Variants in RALYL observed in about 807,000 individuals in gnomAD.
RALYL encodes the protein RALY RNA binding protein like, also known as RNA-binding Raly-like protein.
In RALYL, 29 loss-of-function variants were observed where a neutral mutation model predicts 35.1. That is an observed-to-expected ratio of 0.83 (90% CI 0.61 to 1.13). The LOEUF (loss-of-function observed/expected upper bound fraction) is 1.13, where lower values mean the gene tolerates loss of function less well. Among genes scored for constraint, RALYL ranks in the 50% most tolerant of loss-of-function variants. The probability of loss-of-function intolerance (pLI) is 0.00; values close to 1 mark genes in which losing one functional copy is unlikely to be tolerated. For missense variants in RALYL, 359 were observed against 360.4 expected, an observed-to-expected ratio of 1.00 and a Z score of 0.03; for synonymous variants, 120 against 127.6, an observed-to-expected ratio of 0.94 and a Z score of 0.40.
chr8:84,706,420 A>G (rs534371774), intron 2 of RALYL, among the ~76,000 whole-genome samples: 5 of 152,270 alleles, frequency 3.3e-5, no homozygotes, highest in African/African-American at 1.2e-4. Context: ...GTCTATTGAA[A>G]GGTTTGGGAA....
chr8:84,286,141 T>C (rs1228458651), intron 1 of RALYL, among the ~76,000 whole-genome samples: 1 of 152,060 alleles, frequency 6.6e-6, no homozygotes, highest in Non-Finnish European at 1.5e-5. Flanking sequence ...CAAGGATGAC[T>C]TGAATGTTTT....
intron 1 of RALYL, among the ~76,000 whole-genome samples, chr8:84,238,606 G>A (rs1222855464): frequency 6.6e-6 from 1 of 152,096 alleles, no homozygotes; most frequent in Non-Finnish European, 1.5e-5. Flanking sequence ...TGGTGAACCT[G>A]GTGAGTAAGA....
At chr8:84,817,288 A>C (rs369082695) in intron 4 of RALYL, among the ~76,000 whole-genome samples, 1 of 152,084 alleles carries the variant, frequency 6.6e-6, no homozygotes, top group East Asian at 1.9e-4. Context: ...TTAAACCTTG[A>C]TGTTCTTATT....
chr8:84,649,966 C>G (rs1418920526), intron 2 of RALYL, among the ~76,000 whole-genome samples: 201 of 151,910 alleles, frequency 1.3e-3, no homozygotes, highest in Middle Eastern at 3.4e-3. Context: ...TTGAGCAGTG[C>G]TTTGTAGTTC....
intron 3 of RALYL, among the ~76,000 whole-genome samples, chr8:84,789,238 C>A (rs1464618257): frequency 6.6e-6 from 1 of 152,106 alleles, no homozygotes; most frequent in Non-Finnish European, 1.5e-5. Flanking sequence ...TGTGATACAC[C>A]AACCAATAGC....
chr8:84,748,496 AT>A (rs1177094602), intron 2 of RALYL, among the ~76,000 whole-genome samples: 2 of 152,048 alleles, frequency 1.3e-5, no homozygotes, highest in Non-Finnish European at 2.9e-5. Context: ...CATTTTCCTA[AT>A]TCTGAAATTC....
At chr8:84,300,586 G>A (rs1840584302) in intron 1 of RALYL, among the ~76,000 whole-genome samples, 2 of 152,028 alleles carry the variant, frequency 1.3e-5, no homozygotes, top group South Asian at 4.1e-4. Flanking sequence ...CTCTTTGTAG[G>A]TCTCTAAGAA....
rs900927088 is a variant in RALYL at position 84,591,578 on chromosome 8, C to T, written c.256+62001C>T. Among the ~76,000 whole-genome samples the T allele has an allele frequency of 6.6e-5, 10 of 152,274 alleles. 1 individual carries two copies. Among genetic ancestry groups the T allele is most frequent in the Admixed American group, 5.2e-4 (8 of 15,292 alleles). On this transcript the variant is annotated intron_variant, in intron 2 of 8. Coordinates refer to ENST00000521268, the MANE Select transcript of RALYL (RefSeq NM_173848.7). ...GGGAGAAAATATCTATTATCCTGGG[C>T]TGTTTGTTATACCAATATCCTTGGA...
chr8:84,717,015 T>C (rs953495381), intron 2 of RALYL, among the ~76,000 whole-genome samples: 2 of 151,890 alleles, frequency 1.3e-5, no homozygotes, highest in African/African-American at 4.8e-5. Context: ...GGTAAAACCC[T>C]CTCTCTACTA....
intron 2 of RALYL, among the ~76,000 whole-genome samples, chr8:84,535,545 C>T (rs1273232449): frequency 6.6e-6 from 1 of 151,764 alleles, no homozygotes; most frequent in African/African-American, 2.4e-5. Context: ...ACGCCATTCT[C>T]CTGCCTCAGC....
intron 2 of RALYL, among the ~76,000 whole-genome samples, chr8:84,732,448 T>A (rs543909412): frequency 6.6e-6 from 1 of 151,852 alleles, no homozygotes; most frequent in African/African-American, 2.4e-5. Flanking sequence ...TCATCTAAAG[T>A]TTTTGACATA....
chr8:84,815,936 A>G (rs1827166332), intron 4 of RALYL, among the ~76,000 whole-genome samples: 1 of 148,240 alleles, frequency 6.7e-6, no homozygotes, highest in African/African-American at 2.5e-5. Context: ...CGGGAGGTTG[A>G]GGCAGCAGAA....
chr8:84,547,199 AT>A (rs201785366), intron 2 of RALYL, among the ~76,000 whole-genome samples: 4 of 151,516 alleles, frequency 2.6e-5, no homozygotes, highest in South Asian at 2.1e-4. Flanking sequence ...ATTTTTAAAC[AT>A]TTTTTTCCAT....
chr8:84,843,747 C>CTGGTAT (rs1563728395), intron 4 of RALYL, among the ~76,000 whole-genome samples: 3 of 152,066 alleles, frequency 2.0e-5, no homozygotes, highest in African/African-American at 7.2e-5. Flanking sequence ...CCAAAACAGC[C>CTGGTAT]TGGTACTGGT....
intron 1 of RALYL, among the ~76,000 whole-genome samples, chr8:84,276,330 C>T (rs951719100): frequency 3.9e-5 from 6 of 152,092 alleles, no homozygotes; most frequent in South Asian, 2.1e-4. Context: ...CTGTAAGGCA[C>T]CTTTATGGAC....
intron 2 of RALYL, among the ~76,000 whole-genome samples, chr8:84,572,998 T>C (rs1213797177): frequency 6.6e-6 from 1 of 151,556 alleles, no homozygotes; most frequent in African/African-American, 2.4e-5. Flanking sequence ...TCCCAGTGTA[T>C]CTTCAAATCC....
intron 1 of RALYL, among the ~76,000 whole-genome samples, chr8:84,421,141 A>G (rs1253210198): frequency 5.5e-5 from 7 of 128,374 alleles, no homozygotes; most frequent in African/African-American, 1.6e-4. Context: ...CTTGGGCAGT[A>G]TGGCCATTTT....
chr8:84,510,187 T>A (rs1564059873), intron 1 of RALYL, among the ~76,000 whole-genome samples: 1 of 152,216 alleles, frequency 6.6e-6, no homozygotes, highest in Non-Finnish European at 1.5e-5. Flanking sequence ...ATTTTGTGGC[T>A]TTTATCATAT....
At chr8:84,280,805 G>A (rs1836393483) in intron 1 of RALYL, among the ~76,000 whole-genome samples, 1 of 151,260 alleles carries the variant, frequency 6.6e-6, no homozygotes, top group Non-Finnish European at 1.5e-5. Flanking sequence ...CTGGAAGATG[G>A]TTAAACTCTT....
Sources: gnomAD v4.1 joint callset for allele counts (sites outside exome capture counted in the v4.1 genomes callset) on GRCh38, gnomAD v4.1.1 for gene constraint, MANE v1.5 for transcripts, NCBI Gene and HGNC (gene_info 2026-07-23, HGNC 2026-07-21) for gene names.